WDR7: variants seen among roughly 807,000 people sequenced by gnomAD.
WDR7 encodes WD repeat domain 7, also known as WD repeat-containing protein 7.
In WDR7, 46 loss-of-function variants were observed where a neutral mutation model predicts 169.4. That is an observed-to-expected ratio of 0.27 (90% CI 0.21 to 0.35). The LOEUF is 0.35. Among genes scored for constraint, WDR7 ranks in the 10% least tolerant of loss-of-function variants. The pLI, the probability that WDR7 is intolerant of heterozygous loss-of-function variation, is 1.00. For missense variants in WDR7, 1,534 were observed against 1,859.3 expected (o/e 0.83, Z 3.22); for synonymous variants, 612 against 666.8 (o/e 0.92, Z 1.27).
chr18:57,019,465 C>T (rs527841150), intron 26 of WDR7, among the ~76,000 whole-genome samples: 27 of 152,174 alleles, frequency 1.8e-4, no homozygotes, highest in African/African-American at 6.5e-4. Context: ...CCAGGAAGTC[C>T]GGCTCACATC....
At chr18:57,001,126 A>G (rs188009541) in intron 26 of WDR7, among the ~76,000 whole-genome samples, 93 of 152,196 alleles carry the variant, frequency 6.1e-4, no homozygotes, top group East Asian at 1.2e-3. Context: ...TAAAAACATT[A>G]AGAATGGTTT....
chr18:56,976,950 A>G (rs1246225508), intron 26 of WDR7, among the ~76,000 whole-genome samples: 3 of 152,222 alleles, frequency 2.0e-5, no homozygotes, highest in Non-Finnish European at 4.4e-5. Flanking sequence ...AGTCAACAGG[A>G]AAATAACAGT....
chr18:56,758,030 G>C (rs952564302), intron 15 of WDR7, among the ~76,000 whole-genome samples: 10 of 151,866 alleles, frequency 6.6e-5, no homozygotes, highest in Admixed American at 5.9e-4. Flanking sequence ...TGTAATGATT[G>C]ACGTGTTCAG....
intron 14 of WDR7, among the ~76,000 whole-genome samples, chr18:56,741,930 C>G (rs1238796711): frequency 6.6e-6 from 1 of 152,126 alleles, no homozygotes; most frequent in African/African-American, 2.4e-5. Flanking sequence ...CAGAACAACT[C>G]TTCCTGAAGC....
intron 1 of WDR7, among the ~76,000 whole-genome samples, chr18:56,668,977 C>G (rs933040298): frequency 1.3e-5 from 2 of 151,476 alleles, no homozygotes; most frequent in Non-Finnish European, 1.5e-5. Flanking sequence ...CATATATGGT[C>G]GCTTGATCTT....
At chr18:56,922,451 G>T (rs2046740617) in intron 21 of WDR7, among the ~76,000 whole-genome samples, 1 of 152,102 alleles carries the variant, frequency 6.6e-6, no homozygotes, top group South Asian at 2.1e-4. Flanking sequence ...CTTTTTTAAA[G>T]GAGTTTAATA....
At chr18:56,672,785 T>A in intron 2 of WDR7, 111 bp downstream of exon 2, 2 of 1,139,122 alleles carry the variant, frequency 1.8e-6, no homozygotes, top group South Asian at 2.4e-5. Flanking sequence ...TTCTGAAAAA[T>A]GTGTTTTGAC....
At chr18:56,843,723 C>T (rs900697760) in intron 20 of WDR7, among the ~76,000 whole-genome samples, 5 of 152,176 alleles carry the variant, frequency 3.3e-5, no homozygotes, top group Admixed American at 6.5e-5. Context: ...CATGGTCATT[C>T]TATCTTTAAT....
At chr18:56,962,710 A>G (rs1203614612) in intron 26 of WDR7, among the ~76,000 whole-genome samples, 181 bp downstream of exon 26, 3 of 152,144 alleles carry the variant, frequency 2.0e-5, no homozygotes, top group African/African-American at 7.2e-5. Context: ...ATTCACTGGG[A>G]CTGAAGGGTT....
intron 19 of WDR7, among the ~76,000 whole-genome samples, chr18:56,784,584 A>G (rs80016174): frequency 0.026 from 4,024 of 152,250 alleles, 71 homozygotes; most frequent in African/African-American, 0.051. Context: ...TTAAATGGGG[A>G]TGAAGATGGA....
chr18:56,817,902 G>A (rs1398656082), intron 20 of WDR7, among the ~76,000 whole-genome samples: 1 of 151,880 alleles, frequency 6.6e-6, no homozygotes, highest in Admixed American at 6.6e-5. Flanking sequence ...ATACCACCAC[G>A]CCCAGCTAAT....
intron 26 of WDR7, among the ~76,000 whole-genome samples, chr18:56,986,128 TTGTGTGTGTGTGTGTG>T (rs60449836): frequency 0.04 from 5,441 of 136,346 alleles, 123 homozygotes; most frequent in Non-Finnish European, 0.055. Flanking sequence ...TTCAGCTTCT[TTGTGTGTGTGTGTGTG>T]TGTGTGTGTG....
In WDR7 at chr18:56,964,416, G is replaced by A. The variant is rs528521631; in HGVS notation, c.4164+1887G>A. On this transcript the variant is annotated intron_variant, in intron 26 of 27. Coordinates refer to ENST00000254442, the MANE Select transcript of WDR7 (RefSeq NM_015285.3). ...GATGGAGTGTCTGTCTGTTGCCCAG[G>A]CTAGAGTACAGAAGGTGTGATCTTG... Among the ~76,000 whole-genome samples, 5 of 152,052 alleles carry A rather than the reference G, an allele frequency of 3.3e-5. No individual in the cohort carries two copies. In the South Asian group the frequency reaches 1.0e-3, roughly 32 times the overall value.
In WDR7 at chr18:56,935,827, G is replaced by A. The variant is rs147412167; in HGVS notation, c.3753G>A (p.Ser1251=). The A allele has an allele frequency of 6.2e-6, 10 of 1,613,890 alleles. No homozygotes were observed. The highest frequency in any genetic ancestry group is 4.4e-5 in the South Asian group (4 of 91,066). ...MGLPLSPAAD[S]ARSARHALSL... ...TGCCTCTGAGCCCAGCAGCTGACTCGGCCCGCTCTGCGAGGCATGCCCTCT... is the reference window on the plus strand; with the variant it reads ...TGCCTCTGAGCCCAGCAGCTGACTCAGCCCGCTCTGCGAGGCATGCCCTCT... Residue 1251 remains serine, a synonymous_variant, in exon 23 of 28, where the codon TCG becomes TCA. Transcript: ENST00000254442.
intron 21 of WDR7, among the ~76,000 whole-genome samples, chr18:56,898,202 T>C (rs1274390396): frequency 2.0e-5 from 3 of 152,108 alleles, no homozygotes; most frequent in Middle Eastern, 3.4e-3. Context: ...AAATATGATA[T>C]ATTTTATGGA....
At chr18:57,032,321 A>C (rs1375363438), downstream of WDR7, 3 of 152,242 alleles carry the variant, frequency 2.0e-5, no homozygotes, top group East Asian at 5.8e-4. Flanking sequence ...GATTTCATGG[A>C]ATCACCAAAG....
At chr18:56,723,058 C>G (rs929801444) in intron 13 of WDR7, among the ~76,000 whole-genome samples, 1 of 152,118 alleles carries the variant, frequency 6.6e-6, no homozygotes, top group African/African-American at 2.4e-5. Flanking sequence ...TGGTACTTTC[C>G]TACCTTCTGT....
chr18:56,916,270 C>T (rs964612856), intron 21 of WDR7, among the ~76,000 whole-genome samples: 1 of 151,582 alleles, frequency 6.6e-6, no homozygotes, highest in Non-Finnish European at 1.5e-5. Context: ...CTCCCCCCTC[C>T]CGCCACCCCA....
At chr18:57,035,127 C>T in the WDR7 span, 1 of 152,248 alleles carries the variant, frequency 6.6e-6, no homozygotes, top group Non-Finnish European at 1.5e-5. Context: ...CCATGCAAAA[C>T]TACACATGCC....
Sources: allele counts gnomAD v4.1 joint callset (sites outside exome capture counted in the v4.1 genomes callset), GRCh38; gene constraint gnomAD v4.1.1; transcripts MANE v1.5; gene names NCBI Gene and HGNC (gene_info 2026-07-23, HGNC 2026-07-21).